The following ACBD6 variants were observed in gnomAD, a reference collection of about 807,000 sequenced individuals.
ACBD6 encodes the protein acyl-CoA-binding domain-containing protein 6.
In ACBD6, 28 loss-of-function variants were observed where a neutral mutation model predicts 37.2. The observed-to-expected ratio is 0.75, with a 90% CI of 0.56 to 1.03. ACBD6 has a LOEUF of 1.03. Among genes scored for constraint, ACBD6 ranks in the 50% least tolerant of loss-of-function variants. The pLI is 0.00. For missense variants in ACBD6, 340 were observed against 337.4 expected, an observed-to-expected ratio of 1.01 and a Z score of -0.06; for synonymous variants, 113 against 126.8, an observed-to-expected ratio of 0.89 and a Z score of 0.73.
intron 6 of ACBD6, among the ~76,000 whole-genome samples, chr1:180,367,109 A>G (rs990515160): frequency 6.6e-6 from 1 of 152,248 alleles, no homozygotes; most frequent in Non-Finnish European, 1.5e-5. Context: ...CAGAATAGAA[A>G]CGTGATTAAA....
intron 3 of ACBD6, among the ~76,000 whole-genome samples, chr1:180,446,951 G>A (rs1649498738): frequency 6.6e-6 from 1 of 152,134 alleles, no homozygotes; most frequent in African/African-American, 2.4e-5. Flanking sequence ...TGAAGCAGGA[G>A]TATTGCTTGA....
At chr1:180,379,854 A>G (rs1653574223) in intron 6 of ACBD6, among the ~76,000 whole-genome samples, 1 of 152,212 alleles carries the variant, frequency 6.6e-6, no homozygotes, top group African/African-American at 2.4e-5. Flanking sequence ...ATAAGTGAAA[A>G]TTTCCCAAGT....
At chr1:180,403,534 C>T (rs567107372) in intron 5 of ACBD6, among the ~76,000 whole-genome samples, 8 of 152,070 alleles carry the variant, frequency 5.3e-5, no homozygotes, top group Admixed American at 1.3e-4. Context: ...GGTAGAAATA[C>T]GGATGTTCAT....
chr1:180,271,228 G>T lies in ACBD6; in HGVS notation c.*1997C>A, dbSNP rs1411530700. 2.3e-5 allele frequency: 19 copies of T among 822,834 alleles called. No homozygotes were observed. The South Asian group carries it at 2.6e-4, about 11-fold the overall frequency. 51.0% of individuals were successfully genotyped at this position (822,834 alleles called of 1,614,324 possible). On this transcript the variant is annotated 3_prime_UTR_variant, in exon 14 of 14. Coordinates refer to the ACBD6 transcript ENST00000642319. ...TGCAGGAGTCAGTGCCATGAGAGTG[G>T]GGACCTCTCCACTCTGATGTCCCCT...
chr1:180,334,295 C>T (rs1052316930), intron 6 of ACBD6, among the ~76,000 whole-genome samples: 2 of 152,120 alleles, frequency 1.3e-5, no homozygotes, highest in Non-Finnish European at 2.9e-5. Flanking sequence ...CTCACACGGC[C>T]GGGTACTCCT....
At chr1:180,470,650 T>C (rs1348185084) in intron 3 of ACBD6, among the ~76,000 whole-genome samples, 1 of 152,206 alleles carries the variant, frequency 6.6e-6, no homozygotes, top group Non-Finnish European at 1.5e-5. Context: ...CCCATGATTC[T>C]ATGATCACAC....
rs143487832 is a variant in ACBD6, at chr1:180,443,180, T to C, written c.385-12918A>G. On this transcript the variant is annotated intron_variant, in intron 3 of 7. Transcript: ENST00000367595. ...CCTTTTGAGGCTCAATTTTAAGCAG[T>C]GTTAAGGCAAGGGCAAAGCAGCCTT... Among the ~76,000 whole-genome samples, 279 of 152,308 alleles carry C rather than the reference T, an allele frequency of 1.8e-3. 2 individuals are homozygous for C. Among genetic ancestry groups the C allele is most frequent in the African/African-American group, 6.4e-3 (268 of 41,556 alleles).
At chr1:180,412,568 AAATT>A (rs1403929848) in intron 5 of ACBD6, among the ~76,000 whole-genome samples, 5 of 152,208 alleles carry the variant, frequency 3.3e-5, no homozygotes, top group African/African-American at 1.2e-4. Flanking sequence ...CAACACAAAT[AAATT>A]AAGAAGTAAT....
chr1:180,382,194 G>A (rs1653683589), intron 6 of ACBD6, among the ~76,000 whole-genome samples: 1 of 149,782 alleles, frequency 6.7e-6, no homozygotes, highest in Admixed American at 6.6e-5. Flanking sequence ...ATAAATCACA[G>A]CAAAACTAAA....
chr1:180,476,860 A>C (rs1197924382), intron 3 of ACBD6, among the ~76,000 whole-genome samples: 1 of 152,150 alleles, frequency 6.6e-6, no homozygotes, highest in Non-Finnish European at 1.5e-5. Flanking sequence ...AACAAAAAAA[A>C]CAAGAAAACT....
At chr1:180,361,353 A>C (rs1652845217) in intron 6 of ACBD6, among the ~76,000 whole-genome samples, 1 of 149,882 alleles carries the variant, frequency 6.7e-6, no homozygotes, top group Non-Finnish European at 1.5e-5. Context: ...GCGCTACCTT[A>C]AAGAGCAGAG....
At chr1:180,389,628 A>G (rs1181753767) in intron 6 of ACBD6, among the ~76,000 whole-genome samples, 1 of 152,232 alleles carries the variant, frequency 6.6e-6, no homozygotes, top group African/African-American at 2.4e-5. Flanking sequence ...ACAGTGTAAA[A>G]GTGTTCCTAT....
intron 1 of ACBD6, among the ~76,000 whole-genome samples, chr1:180,498,623 G>A (rs958158722): frequency 1.3e-5 from 2 of 152,124 alleles, no homozygotes; most frequent in African/African-American, 4.8e-5. Flanking sequence ...GGAGGCCAAG[G>A]CAGGTGGATC....
At chr1:180,445,749 A>G (rs1293248890) in intron 3 of ACBD6, among the ~76,000 whole-genome samples, 1 of 151,930 alleles carries the variant, frequency 6.6e-6, no homozygotes, top group Non-Finnish European at 1.5e-5. Flanking sequence ...ACATGGTGAG[A>G]CCCTGTCTCT....
intron 4 of ACBD6, among the ~76,000 whole-genome samples, chr1:180,419,556 G>A (rs1475177971): frequency 6.6e-6 from 1 of 152,118 alleles, no homozygotes; most frequent in African/African-American, 2.4e-5. Context: ...GAGGGTGGGG[G>A]GCACCGACCC....
chr1:180,386,524 T>G (rs981379255), intron 6 of ACBD6, among the ~76,000 whole-genome samples: 1 of 152,186 alleles, frequency 6.6e-6, no homozygotes, highest in African/African-American at 2.4e-5. Context: ...AGTTCCACAC[T>G]CTTTCTCCTC....
chr1:180,489,217 T>C lies in ACBD6; in HGVS notation c.384+3052A>G, dbSNP rs77433233. ...TTCAGAATGAGTGTTGTTCTTATTTTATTTTATTTTTTAGAATATCAAAAG... is the reference window on the plus strand; with the variant it reads ...TTCAGAATGAGTGTTGTTCTTATTTCATTTTATTTTTTAGAATATCAAAAG... On this transcript the variant is annotated intron_variant, in intron 3 of 7. Transcript: ENST00000367595. Among the ~76,000 whole-genome samples, 1,013 of 152,158 alleles carry C rather than the reference T, an allele frequency of 6.7e-3. 16 individuals are homozygous for C. Among genetic ancestry groups the C allele is most frequent in the African/African-American group, 0.023 (967 of 41,544 alleles).
At chr1:180,412,421 C>G (rs943835442) in intron 5 of ACBD6, among the ~76,000 whole-genome samples, 1 of 152,124 alleles carries the variant, frequency 6.6e-6, no homozygotes, top group Non-Finnish European at 1.5e-5. Flanking sequence ...ACAATTACTA[C>G]CTTTGGCCAT....
At chr1:180,274,115 A>G (rs947852321) in intron 10 of ACBD6, 1 of 1,582,484 alleles carries the variant, frequency 6.3e-7, no homozygotes. Context: ...GTGTGTTCCT[A>G]GGTTGTGAAG....
Sources: allele counts gnomAD v4.1 joint callset (sites outside exome capture counted in the v4.1 genomes callset), GRCh38; gene constraint gnomAD v4.1.1; transcripts MANE v1.5; gene names NCBI Gene and HGNC (gene_info 2026-07-23, HGNC 2026-07-21).